PRKCH: variants seen among roughly 807,000 people sequenced by gnomAD.
PRKCH encodes protein kinase C eta, also known as protein kinase C eta type.
In PRKCH, 28 loss-of-function variants were observed where a neutral mutation model predicts 82.5. The ratio of observed to expected loss-of-function variants is 0.34; its 90% CI spans 0.25 to 0.47. The LOEUF (loss-of-function observed/expected upper bound fraction) is 0.47. Ranked by LOEUF, PRKCH falls within the 20% of genes least tolerant of loss-of-function variation. The pLI, the probability that PRKCH is intolerant of heterozygous loss-of-function variation, is 1.00. For synonymous variants in PRKCH, 322 were observed against 327.4 expected, an observed-to-expected ratio of 0.98 and a Z score of 0.18; for missense variants, 705 against 881.8, an observed-to-expected ratio of 0.80 and a Z score of 2.54.
intron 1 of PRKCH, among the ~76,000 whole-genome samples, chr14:61,369,252 A>G (rs777317781): frequency 1.1e-4 from 16 of 152,106 alleles, no homozygotes; most frequent in Non-Finnish European, 2.2e-4. Context: ...CCCCATGCCC[A>G]GATTCTGTTT....
chr14:61,279,819 C>T (rs557573116), intron 1 of PRKCH: 2 of 457,578 alleles, frequency 4.4e-6, no homozygotes, highest in East Asian at 4.0e-5. Context: ...CACTCTCAGA[C>T]TTGAAGAACC....
chr14:61,326,216 T>C (rs929950419), intron 1 of PRKCH, among the ~76,000 whole-genome samples: 1 of 152,216 alleles, frequency 6.6e-6, no homozygotes, highest in Non-Finnish European at 1.5e-5. Context: ...GATGAATGTT[T>C]AAACAATTGT....
chr14:61,319,183 C>T (rs1314044308), upstream of PRKCH, among the ~76,000 whole-genome samples: 4 of 152,222 alleles, frequency 2.6e-5, no homozygotes. Flanking sequence ...GCCACGCCTT[C>T]CTCAGCTCCA....
intron 2 of PRKCH, among the ~76,000 whole-genome samples, chr14:61,422,563 C>G (rs907721557): frequency 1.2e-4 from 18 of 152,208 alleles, no homozygotes; most frequent in African/African-American, 4.3e-4. Flanking sequence ...ATTCAGGCAT[C>G]ACTGTCTCTG....
At chr14:61,488,044 T>C (rs897823647) in intron 10 of PRKCH, among the ~76,000 whole-genome samples, 5 of 151,444 alleles carry the variant, frequency 3.3e-5, no homozygotes, top group Non-Finnish European at 7.4e-5. Context: ...TCCCAGCTAC[T>C]CGGGAGGCTG....
chr14:61,262,634 G>T (rs1419217779), intron 1 of PRKCH, among the ~76,000 whole-genome samples: 5 of 152,046 alleles, frequency 3.3e-5, no homozygotes, highest in African/African-American at 1.2e-4. Context: ...TGAATACAGC[G>T]GACAAAATGC....
At position 61,518,132 on chromosome 14, in the gene PRKCH, A is replaced by G. The variant is rs143545307; in HGVS notation, c.1434-10943A>G. Among the ~76,000 whole-genome samples the G allele has an allele frequency of 2.5e-4, 38 of 152,320 alleles. No individual in the cohort carries two copies. The East Asian group carries it at 6.8e-3, about 27-fold the overall frequency. ...AAGTGTACTGTTGGCCGCAGCATCC[A>G]GTCTGTGCTATCAGAGCAAGGCGCT... On this transcript the variant is annotated intron_variant, in intron 10 of 13. Transcript: ENST00000332981.
chr14:61,466,196 A>G (rs2140305889), intron 9 of PRKCH, among the ~76,000 whole-genome samples: 2 of 152,246 alleles, frequency 1.3e-5, no homozygotes, highest in Middle Eastern at 3.4e-3. Context: ...TTTTTTTCCT[A>G]TTTACCAAAT....
chr14:61,231,667 C>T (rs1182468714), intron 1 of PRKCH, among the ~76,000 whole-genome samples: 2 of 152,058 alleles, frequency 1.3e-5, no homozygotes, highest in Non-Finnish European at 1.5e-5. Context: ...CCACCGTGGC[C>T]GGCTGAATCT....
chr14:61,433,060 A>C (rs1325556380), intron 2 of PRKCH, among the ~76,000 whole-genome samples: 6 of 151,034 alleles, frequency 4.0e-5, no homozygotes, highest in Admixed American at 2.6e-4. Context: ...AAAAAAAAAA[A>C]ACTATCAAAA....
intron 1 of PRKCH, among the ~76,000 whole-genome samples, chr14:61,242,186 A>T (rs1044835179): frequency 6.6e-6 from 1 of 152,190 alleles, no homozygotes; most frequent in African/African-American, 2.4e-5. Context: ...GAGCAGGAAG[A>T]GTCCCAAATT....
chr14:61,512,216 A>G (rs1887407936), intron 10 of PRKCH, among the ~76,000 whole-genome samples: 1 of 149,748 alleles, frequency 6.7e-6, no homozygotes, highest in Non-Finnish European at 1.5e-5. Context: ...TTCATATACT[A>G]CATCCTGAAA....
In PRKCH at chr14:61,322,439, G is replaced by A; in HGVS notation, c.338G>A (p.Gly113Asp). Residue 113 changes from glycine (G) to aspartate (D), a missense_variant, in exon 1 of 14, where the codon GGC (glycine) becomes GAC (aspartate). Gly to Asp is a moderately conservative substitution (Grantham distance 94). Transcript: ENST00000332981. Reference sequence around the variant, plus strand: ...TTCCAGGAGCTGCTGCGCACGACCGGCGCCTCGGACACCTTCGAGGGTTGG... The same window carrying A: ...TTCCAGGAGCTGCTGCGCACGACCGACGCCTCGGACACCTTCGAGGGTTGG... ...LQFQELLRTT[G>D]ASDTFEGWVD... is the part of the protein sequence containing the mutation. 6.3e-7 allele frequency: 1 copy of A among 1,597,224 alleles called. No individual in the cohort carries two copies. Among genetic ancestry groups the A allele is most frequent in the Non-Finnish European group, 8.6e-7 (1 of 1,166,532 alleles).
intron 1 of PRKCH, among the ~76,000 whole-genome samples, chr14:61,316,559 A>G (rs924811797): frequency 6.6e-6 from 1 of 152,226 alleles, no homozygotes; most frequent in East Asian, 1.9e-4. Context: ...CATACAATCC[A>G]TTAGTGATCA....
Position 61,428,076 on chromosome 14 carries a change from T to TAG in PRKCH, c.428-15034_428-15033insGA, listed in dbSNP as rs377250538. Reference sequence around the variant, plus strand: ...ATAGATAGATAGATAGATAGATAGATACACACACACACACACACACATATA... The same window carrying TAG: ...ATAGATAGATAGATAGATAGATAGATAGACACACACACACACACACACATATA... On this transcript the variant is annotated intron_variant, in intron 2 of 13. Coordinates refer to ENST00000332981, the MANE Select transcript of PRKCH (RefSeq NM_006255.5). Among the ~76,000 whole-genome samples, 560 of 126,232 alleles carry TAG rather than the reference T, an allele frequency of 4.4e-3. 4 individuals carry two copies. The highest frequency in any genetic ancestry group is 0.016 in the African/African-American group (526 of 32,738). The allele number at this position is 126,232 out of a possible 152,430, so 82.8% of individuals were successfully genotyped here. A position where few individuals can be genotyped will look rare whatever the true frequency, so the allele number is the denominator to read the frequency against.
intron 10 of PRKCH, among the ~76,000 whole-genome samples, chr14:61,514,409 G>A (rs908992968): frequency 2.0e-5 from 3 of 151,948 alleles, no homozygotes; most frequent in Admixed American, 2.0e-4. Flanking sequence ...TTATCTCTTG[G>A]AATCAGTTTG....
At chr14:61,239,549 G>A (rs1427992216) in intron 1 of PRKCH, among the ~76,000 whole-genome samples, 2 of 152,186 alleles carry the variant, frequency 1.3e-5, no homozygotes, top group African/African-American at 4.8e-5. Context: ...CTCTCTTCCT[G>A]CTTCTGCTAT....
At chr14:61,374,233 C>T (rs1594635719) in intron 1 of PRKCH, among the ~76,000 whole-genome samples, 2 of 152,178 alleles carry the variant, frequency 1.3e-5, no homozygotes, top group African/African-American at 4.8e-5. Flanking sequence ...ATGTCTTGGG[C>T]AGTTCTACTC....
At chr14:61,304,598 G>T (rs1405592727) in intron 1 of PRKCH, 1 of 151,966 alleles carries the variant, frequency 6.6e-6, no homozygotes, top group Non-Finnish European at 1.5e-5. Flanking sequence ...GCTAAGGCAG[G>T]AGGATTGCTT....
Sources: allele counts gnomAD v4.1 joint callset (sites outside exome capture counted in the v4.1 genomes callset), GRCh38; gene constraint gnomAD v4.1.1; transcripts MANE v1.5; gene names NCBI Gene and HGNC (gene_info 2026-07-23, HGNC 2026-07-21).